THSD4: variants seen among roughly 807,000 people sequenced by gnomAD.
The protein encoded by THSD4 is thrombospondin type-1 domain-containing protein 4.
In THSD4, 69 loss-of-function variants were observed where a neutral mutation model predicts 119.0. The observed-to-expected ratio is 0.58, with a 90% CI of 0.48 to 0.71. The LOEUF (loss-of-function observed/expected upper bound fraction) is 0.71. Ranked by LOEUF, THSD4 falls within the 30% of genes least tolerant of loss-of-function variation. The pLI is 0.00. For missense variants in THSD4, 1,393 were observed against 1,391.1 expected (o/e 1.00, Z -0.02); for synonymous variants, 524 against 540.4 (o/e 0.97, Z 0.42).
chr15:71,632,735 A>T (rs4777421), intron 7 of THSD4, among the ~76,000 whole-genome samples: 14,755 of 152,282 alleles, frequency 0.097, 794 homozygotes, highest in East Asian at 0.21. Context: ...TGATTTGGAA[A>T]CATTGCCTGG....
intron 7 of THSD4, among the ~76,000 whole-genome samples, chr15:71,474,140 G>A (rs2047624387): frequency 6.6e-6 from 1 of 152,184 alleles, no homozygotes; most frequent in African/African-American, 2.4e-5. Flanking sequence ...ATAGCCTCTT[G>A]TGCCTTTACA....
intron 1 of THSD4, among the ~76,000 whole-genome samples, chr15:71,109,187 A>G (rs2040287275): frequency 6.6e-6 from 1 of 152,166 alleles, no homozygotes; most frequent in Non-Finnish European, 1.5e-5. Flanking sequence ...AGGGTCACCC[A>G]CTCAGGTGTT....
chr15:71,340,157 G>C (rs1402167801), intron 6 of THSD4, among the ~76,000 whole-genome samples: 1 of 152,192 alleles, frequency 6.6e-6, no homozygotes, highest in Admixed American at 6.5e-5. Context: ...TTGCAGGTTG[G>C]CTTTGTACTG....
intron 7 of THSD4, among the ~76,000 whole-genome samples, chr15:71,563,132 A>G (rs186476532): frequency 2.6e-5 from 4 of 152,086 alleles, no homozygotes. Flanking sequence ...TATATCCCAC[A>G]TCGTCCTATG....
chr15:71,683,922 C>T (rs1196738875), intron 8 of THSD4, among the ~76,000 whole-genome samples: 1 of 152,152 alleles, frequency 6.6e-6, no homozygotes, highest in Non-Finnish European at 1.5e-5. Context: ...TGCAGTGAGC[C>T]AAGATCACAC....
At chr15:71,720,586 A>G (rs2052704128) in intron 8 of THSD4, among the ~76,000 whole-genome samples, 1 of 152,232 alleles carries the variant, frequency 6.6e-6, no homozygotes, top group African/African-American at 2.4e-5. Flanking sequence ...GGTTAGTGAA[A>G]AGAAGGATGG....
chr15:71,384,205 C>T (rs1205893629), intron 6 of THSD4, among the ~76,000 whole-genome samples: 1 of 152,126 alleles, frequency 6.6e-6, no homozygotes, highest in Non-Finnish European at 1.5e-5. Flanking sequence ...AGGTGAAACC[C>T]CGTCTCTACT....
chr15:71,658,930 A>G (rs1381145901), intron 7 of THSD4, among the ~76,000 whole-genome samples: 1 of 152,204 alleles, frequency 6.6e-6, no homozygotes, highest in African/African-American at 2.4e-5. Flanking sequence ...AAAGGTTTCA[A>G]TCAGGCATGC....
chr15:71,294,115 C>A (rs1217031464), intron 6 of THSD4, among the ~76,000 whole-genome samples: 1 of 152,216 alleles, frequency 6.6e-6, no homozygotes, highest in African/African-American at 2.4e-5. Flanking sequence ...CTTGGAGTTA[C>A]ATTTTCAGCA....
At position 71,315,806 on chromosome 15, in the gene THSD4, G is replaced by A. The variant is rs143477318; in HGVS notation, c.1015+59091G>A. Among the ~76,000 whole-genome samples the A allele has an allele frequency of 6.4e-3, 975 of 152,286 alleles. 6 individuals carry two copies. The highest frequency in any genetic ancestry group is 0.01 in the Non-Finnish European group (707 of 68,016). On this transcript the variant is annotated intron_variant, in intron 6 of 17. Transcript: ENST00000261862. ...GTAGATGCTTCAGTTTCAGGAGGTG[G>A]AGAGATTTGGGGAAATAGGAGCACA...
chr15:71,225,744 T>C (rs577007713), intron 4 of THSD4, among the ~76,000 whole-genome samples: 2 of 152,100 alleles, frequency 1.3e-5, no homozygotes, highest in South Asian at 4.2e-4. Context: ...TTTCACCATG[T>C]TGGCTAGGCT....
intron 7 of THSD4, among the ~76,000 whole-genome samples, chr15:71,603,736 T>C (rs2050057045): frequency 6.6e-6 from 1 of 152,122 alleles, no homozygotes; most frequent in South Asian, 2.1e-4. Flanking sequence ...TGCCTCTCCC[T>C]CTGGTGGGAG....
chr15:71,605,161 GA>G (rs1345368264), intron 7 of THSD4, among the ~76,000 whole-genome samples: 1 of 152,188 alleles, frequency 6.6e-6, no homozygotes, highest in Non-Finnish European at 1.5e-5. Context: ...GGAACAGAAG[GA>G]TCAAGGAAGA....
rs74022182 is a variant in THSD4, at chr15:71,631,980, C to T, written c.1153-28550C>T. 2.7e-3 allele frequency among the ~76,000 whole-genome samples: 414 copies of T among 152,240 alleles called. 1 individual carries two copies. Among genetic ancestry groups the T allele is most frequent in the African/African-American group, 9.4e-3 (392 of 41,526 alleles). Reference sequence around the variant, plus strand: ...GTTCTCAGCTTTGTGTCTTACTAGCCGAGATATCTTAAAGAACTAAGCTAC... The same window carrying T: ...GTTCTCAGCTTTGTGTCTTACTAGCTGAGATATCTTAAAGAACTAAGCTAC... On this transcript the variant is annotated intron_variant, in intron 7 of 17. Coordinates refer to ENST00000261862, the MANE Select transcript of THSD4 (RefSeq NM_024817.3).
At chr15:71,197,345 A>G (rs774439919) in intron 3 of THSD4, among the ~76,000 whole-genome samples, 4 of 152,206 alleles carry the variant, frequency 2.6e-5, no homozygotes, top group Non-Finnish European at 5.9e-5. Flanking sequence ...CCTTCCTTGG[A>G]AGTGGCCATC....
chr15:71,160,083 G>GT (rs989737818), intron 3 of THSD4, among the ~76,000 whole-genome samples: 14 of 151,918 alleles, frequency 9.2e-5, no homozygotes, highest in Non-Finnish European at 1.6e-4. Context: ...TGATCATATG[G>GT]TTTTTGTCTT....
Position 71,665,989 on chromosome 15 carries a change from C to CT in THSD4, c.1357+5262dup, listed in dbSNP as rs1001116378. Reference sequence around the variant, plus strand: ...TAGGATTGCCTTGGCCTTTGGGGCTCTTTTTTTGATCCATATGCATTTTAA... The same window carrying CT: ...TAGGATTGCCTTGGCCTTTGGGGCTCTTTTTTTTGATCCATATGCATTTTAA... On this transcript the variant is annotated intron_variant, in intron 8 of 17. Transcript: ENST00000261862. 2.6e-5 allele frequency among the ~76,000 whole-genome samples: 4 copies of CT among 152,104 alleles called. No homozygotes were observed. The South Asian group carries it at 6.2e-4, about 24-fold the overall frequency.
intron 7 of THSD4, among the ~76,000 whole-genome samples, chr15:71,549,013 G>A (rs1240775776): frequency 2.0e-5 from 3 of 152,196 alleles, no homozygotes; most frequent in African/African-American, 7.2e-5. Flanking sequence ...AGGCCACGCC[G>A]GAATCTGTGT....
chr15:71,230,173 C>T (rs1466410636), intron 4 of THSD4, among the ~76,000 whole-genome samples: 1 of 152,086 alleles, frequency 6.6e-6, no homozygotes, highest in African/African-American at 2.4e-5. Flanking sequence ...TAGCACCTGC[C>T]CTGGTCAGGC....
Sources: gnomAD v4.1 joint callset for allele counts (sites outside exome capture counted in the v4.1 genomes callset) on GRCh38, gnomAD v4.1.1 for gene constraint, MANE v1.5 for transcripts, NCBI Gene and HGNC (gene_info 2026-07-23, HGNC 2026-07-21) for gene names.